The following TTC17 variants were observed in gnomAD, a reference collection of about 807,000 sequenced individuals.
The protein encoded by TTC17 is tetratricopeptide repeat domain 17, also known as tetratricopeptide repeat protein 17.
TTC17 carries 58 observed loss-of-function variants against 143.8 expected under a neutral mutation model. That is an observed-to-expected ratio of 0.40 (90% CI 0.33 to 0.50). TTC17 has a LOEUF of 0.50. Among genes scored for constraint, TTC17 ranks in the 20% least tolerant of loss-of-function variants. TTC17 has a pLI of 0.49. For missense variants in TTC17, 1,273 were observed against 1,392.5 expected (o/e 0.91, Z 1.37); for synonymous variants, 501 against 497.8 (o/e 1.01, Z -0.09).
At chr11:43,477,827 G>A (rs1297652980) in intron 21 of TTC17, among the ~76,000 whole-genome samples, 1 of 151,920 alleles carries the variant, frequency 6.6e-6, no homozygotes, top group African/African-American at 2.4e-5. Flanking sequence ...TTTTTTTTGG[G>A]GGATAAGCAA....
Position 43,439,477 on chromosome 11 carries a change from T to A in TTC17, c.2252-3848T>A, listed in dbSNP as rs537714819. Among the ~76,000 whole-genome samples the A allele has an allele frequency of 7.9e-5, 12 of 151,084 alleles. No individual in the cohort carries two copies. The East Asian group carries it at 2.3e-3, about 29-fold the overall frequency. ...ATGTCTTGTTTTTTTTTGGTTTTTTTTTTTTTTTGAGATGGAGTCTTGCTG... is the reference window on the plus strand; with the variant it reads ...ATGTCTTGTTTTTTTTTGGTTTTTTATTTTTTTTGAGATGGAGTCTTGCTG... On this transcript the variant is annotated intron_variant, in intron 16 of 23. Transcript: ENST00000039989.
chr11:43,391,830 G>A lies in TTC17; in HGVS notation c.541G>A (p.Glu181Lys), dbSNP rs1213473661. 3.1e-6 allele frequency: 5 copies of A among 1,613,030 alleles called. No individual in the cohort carries two copies. Among genetic ancestry groups the A allele is most frequent in the African/African-American group, 1.3e-5 (1 of 74,836 alleles). Residue 181 changes from glutamate (E) to lysine (K), a missense_variant, in exon 5 of 24, where the codon GAG becomes AAG. Physicochemically the swap from Glu to Lys is moderately conservative, Grantham distance 56 (BLOSUM62 1). This residue lies in a region of TTC17 where 325 missense variants were observed against 444.2 expected (regional missense o/e 0.73). Transcript: ENST00000039989. Reference protein sequence around the residue: ...HAFQHLRGVQERVNLSAPLLP... With the variant: ...HAFQHLRGVQKRVNLSAPLLP... Reference sequence around the variant, plus strand: ...TTTTTCTTCTCTTCAGGGTGTACAGGAGAGAGTTAATCTTTCTGCACCTCT... The same window carrying A: ...TTTTTCTTCTCTTCAGGGTGTACAGAAGAGAGTTAATCTTTCTGCACCTCT...
At chr11:43,432,733 A>T (rs561231455) in intron 16 of TTC17, among the ~76,000 whole-genome samples, 1 of 152,188 alleles carries the variant, frequency 6.6e-6, no homozygotes, top group Non-Finnish European at 1.5e-5. Flanking sequence ...TCATGAGAAC[A>T]TCATTCCGAC....
At chr11:43,423,174 G>A (rs992358519) in intron 16 of TTC17, among the ~76,000 whole-genome samples, 1 of 152,132 alleles carries the variant, frequency 6.6e-6, no homozygotes, top group Non-Finnish European at 1.5e-5. Context: ...AGAGTGAAGA[G>A]GTACAGAGAA....
intron 1 of TTC17, among the ~76,000 whole-genome samples, chr11:43,378,556 C>A (rs1215357593): frequency 6.6e-6 from 1 of 152,168 alleles, no homozygotes; most frequent in Non-Finnish European, 1.5e-5. Flanking sequence ...ACTTATTGAA[C>A]AATGTCTGTA....
intron 1 of TTC17, among the ~76,000 whole-genome samples, chr11:43,361,968 A>T (rs1361473877): frequency 2.0e-5 from 3 of 150,394 alleles, no homozygotes; most frequent in Non-Finnish European, 2.9e-5. Context: ...TTGTCCAACC[A>T]TCATTATAAC....
rs778864515 is a variant in TTC17, at chr11:43,407,454, T to C, written c.1941T>C (p.Asn647=). 6.2e-7 allele frequency: 1 copy of C among 1,614,038 alleles called. No homozygotes were observed. ...TTGCCTGTCTTCAGAGGGCTTTGAATTTAGCTCCACTTCAATACCAAGATG... is the reference window on the plus strand; with the variant it reads ...TTGCCTGTCTTCAGAGGGCTTTGAACTTAGCTCCACTTCAATACCAAGATG... ...FAIACLQRAL[N]LAPLQYQDVP... is the part of the protein sequence containing the mutation. Residue 647 remains asparagine, a synonymous_variant, in exon 15 of 24, where the codon AAT becomes AAC. Transcript: ENST00000039989.
At position 43,435,084 on chromosome 11, in the gene TTC17, TA is replaced by T. The variant is rs1565164492; in HGVS notation, c.2252-8240del. On this transcript the variant is annotated intron_variant, in intron 16 of 23. Coordinates refer to ENST00000039989, the MANE Select transcript of TTC17 (RefSeq NM_018259.6). ...CTGTACACACAGATAAGATGATAGA[TA>T]GATAGATAGATAGATAGATAGATAG... is the stretch of plus-strand genomic sequence containing the variant. 16 of 117,292 alleles carry T rather than the reference TA, an allele frequency of 1.4e-4. No homozygotes were observed. The East Asian group carries it at 4.1e-3, about 30-fold the overall frequency. 7.3% of individuals were successfully genotyped at this position (117,292 alleles called of 1,614,324 possible).
At chr11:43,422,556 A>G (rs930863915) in intron 16 of TTC17, among the ~76,000 whole-genome samples, 56 of 152,350 alleles carry the variant, frequency 3.7e-4, no homozygotes, top group African/African-American at 1.3e-3. Flanking sequence ...GGTCAGGAAG[A>G]AAAAGAGCAA....
chr11:43,418,326 T>A (rs1946823479), intron 16 of TTC17, among the ~76,000 whole-genome samples: 1 of 152,240 alleles, frequency 6.6e-6, no homozygotes, highest in African/African-American at 2.4e-5. Flanking sequence ...TAGTTTTATA[T>A]CACTACCATT....
chr11:43,404,443 G>A lies in TTC17; in HGVS notation c.1479+299G>A, dbSNP rs186626184. On this transcript the variant is annotated intron_variant, in intron 11 of 23. Coordinates refer to ENST00000039989, the MANE Select transcript of TTC17 (RefSeq NM_018259.6). ...ACAAGTTTCTAAACTTGACCCAAGC[G>A]TATGTTTTTATATACTTCACTTAAT... Among the ~76,000 whole-genome samples, 249 of 152,238 alleles carry A rather than the reference G, an allele frequency of 1.6e-3. 1 individual carries two copies. The highest frequency in any genetic ancestry group is 2.3e-3 in the Non-Finnish European group (159 of 68,016).
At chr11:43,490,195 A>G (rs1276715155) in intron 21 of TTC17, 44 bp from the exon 22 acceptor site, 3 of 1,576,492 alleles carry the variant, frequency 1.9e-6, no homozygotes, top group Non-Finnish European at 2.6e-6. Context: ...ATAAATGAGT[A>G]TGTTCTTGAA....
At chr11:43,442,774 T>G (rs1947451956) in intron 16 of TTC17, among the ~76,000 whole-genome samples, 2 of 152,174 alleles carry the variant, frequency 1.3e-5, no homozygotes, top group African/African-American at 4.8e-5. Context: ...GGTAATCATT[T>G]TAGAAAGAAA....
rs562594929 is a variant in TTC17, at chr11:43,462,921, C to CTTTTTTTTTTTTTTTTTTTTTTTTTT, written c.3030+11668_3030+11669insTTTTTTTTTTTTTTTTTTTTTTTTTT. On this transcript the variant is annotated intron_variant, in intron 21 of 23. Coordinates refer to ENST00000039989, the MANE Select transcript of TTC17 (RefSeq NM_018259.6). Reference sequence around the variant, plus strand: ...CACTGAATCCAGCAGTGACAAAATTCTTTTTTTTTTTTGAGACAGAGTCTC... The same window carrying CTTTTTTTTTTTTTTTTTTTTTTTTTT: ...CACTGAATCCAGCAGTGACAAAATTCTTTTTTTTTTTTTTTTTTTTTTTTTTTTTTTTTTTTTTGAGACAGAGTCTC... 6.7e-4 allele frequency among the ~76,000 whole-genome samples: 79 copies of CTTTTTTTTTTTTTTTTTTTTTTTTTT among 117,742 alleles called. 16 individuals are homozygous for CTTTTTTTTTTTTTTTTTTTTTTTTTT. Among genetic ancestry groups the CTTTTTTTTTTTTTTTTTTTTTTTTTT allele is most frequent in the African/African-American group, 2.8e-3 (69 of 24,760 alleles). The allele number at this position is 117,742 out of a possible 152,430, so 77.2% of individuals were successfully genotyped here.
intron 21 of TTC17, among the ~76,000 whole-genome samples, chr11:43,476,815 T>A (rs1948192497): frequency 6.6e-6 from 1 of 151,592 alleles, no homozygotes. Flanking sequence ...GGAGACATCT[T>A]CCCCATGGTC....
Position 43,414,724 on chromosome 11 carries a change from C to T in TTC17, c.2199C>T (p.Arg733=). 6.2e-7 allele frequency: 1 copy of T among 1,613,766 alleles called. No individual in the cohort carries two copies. The highest frequency in any genetic ancestry group is 2.2e-5 in the East Asian group (1 of 44,872). ...PECENSLKLI[R]CMQFYPFLYN... is the part of the protein sequence containing the mutation. ...GTGAAAACAGCCTGAAGTTGATCCG[C>T]TGTATGCAGTTTTATCCTTTTCTGT... The change falls in exon 16 of 24, where the codon CGC becomes CGT. Residue 733 remains arginine (R), a synonymous_variant. Coordinates refer to ENST00000039989, the MANE Select transcript of TTC17 (RefSeq NM_018259.6).
chr11:43,446,544 AT>A, intron 18 of TTC17: 1 of 626,290 alleles, frequency 1.6e-6, no homozygotes, highest in Non-Finnish European at 2.0e-6. Flanking sequence ...GAAAATTAAG[AT>A]TTTTTGTGAA....
intron 16 of TTC17, among the ~76,000 whole-genome samples, chr11:43,422,473 T>TGA (rs1946928499): frequency 6.6e-6 from 1 of 152,152 alleles, no homozygotes; most frequent in South Asian, 2.1e-4. Flanking sequence ...TGGATGAAAT[T>TGA]ACCTCAATAA....
chr11:43,408,770 C>A (rs1404658140), intron 15 of TTC17, among the ~76,000 whole-genome samples: 2 of 151,528 alleles, frequency 1.3e-5, no homozygotes, highest in Non-Finnish European at 2.9e-5. Context: ...GAGACAGGTT[C>A]TTGCTCTGTT....
Sources: allele counts gnomAD v4.1 joint callset (sites outside exome capture counted in the v4.1 genomes callset), GRCh38; gene constraint gnomAD v4.1.1; regional missense constraint gnomAD v4.1.1; transcripts MANE v1.5; gene names NCBI Gene and HGNC (gene_info 2026-07-23, HGNC 2026-07-21).